The following PTCD2 variants were observed in gnomAD, a reference collection of about 807,000 sequenced individuals.
The protein encoded by PTCD2 is pentatricopeptide repeat-containing protein 2, mitochondrial.
Under a neutral mutation model 42.6 loss-of-function variants are expected in PTCD2, and 31 were observed. That is an observed-to-expected ratio of 0.73 (90% CI 0.55 to 0.98). The LOEUF (loss-of-function observed/expected upper bound fraction) is 0.98, where lower values mean the gene tolerates loss of function less well. PTCD2 is among the 50% of genes least tolerant of loss of function. The pLI is 0.00. For missense variants in PTCD2, 476 were observed against 454.8 expected, an observed-to-expected ratio of 1.05 and a Z score of -0.42; for synonymous variants, 183 against 170.9, an observed-to-expected ratio of 1.07 and a Z score of -0.55.
At position 72,358,430 on chromosome 5, in the gene PTCD2, C is replaced by T. The variant is rs1212354510; in HGVS notation, c.*3C>T. The T allele has an allele frequency of 1.3e-5, 21 of 1,608,708 alleles. No homozygotes were observed. Among genetic ancestry groups the T allele is most frequent in the Non-Finnish European group, 1.7e-6 (2 of 1,176,414 alleles). ...GCCAGTCCCTGTTGGCTGAGTAACC[C>T]TGGTTTCAGTCCACCTATGGATCTG... On this transcript the variant is annotated 3_prime_UTR_variant, in exon 10 of 10. Transcript: ENST00000380639.
chr5:72,335,406 G>A (rs984060862), intron 5 of PTCD2, among the ~76,000 whole-genome samples: 2 of 143,832 alleles, frequency 1.4e-5, no homozygotes, highest in African/African-American at 5.3e-5. Context: ...CCGAGATTGC[G>A]CCACTGCAGT....
At chr5:72,330,729 A>G (rs1206557232) in intron 3 of PTCD2, among the ~76,000 whole-genome samples, 1 of 152,238 alleles carries the variant, frequency 6.6e-6, no homozygotes, top group East Asian at 1.9e-4. Flanking sequence ...TAATTTGTTT[A>G]GCCAGGTGAT....
chr5:72,333,863 T>C (rs1413433000), intron 4 of PTCD2, among the ~76,000 whole-genome samples: 1 of 151,732 alleles, frequency 6.6e-6, no homozygotes, highest in Non-Finnish European at 1.5e-5. Context: ...TTTTTTGGGG[T>C]TTTTTTTGGA....
chr5:72,326,721 G>A lies in PTCD2; in HGVS notation c.330G>A (p.Leu110=). 1 of 1,613,926 alleles carries A rather than the reference G, an allele frequency of 6.2e-7. No individual in the cohort carries two copies. The highest frequency in any genetic ancestry group is 1.1e-5 in the South Asian group (1 of 91,056). The change falls in exon 3 of 10, where the codon CTG becomes CTA. Residue 110 remains leucine (L), a synonymous_variant. Coordinates refer to ENST00000380639, the MANE Select transcript of PTCD2 (RefSeq NM_024754.5). The part of the protein sequence containing the change: ...HLCESRDHVE[L]AKNVIYRYHA... Reference sequence around the variant, plus strand: ...GTGAGTCTCGGGACCATGTGGAACTGGCTAAAAATGTCATTTACAGGTGAG... The same window carrying A: ...GTGAGTCTCGGGACCATGTGGAACTAGCTAAAAATGTCATTTACAGGTGAG...
rs116563231 is a variant in PTCD2 at position 72,347,802 on chromosome 5, A to G, written c.828+4766A>G. Among the ~76,000 whole-genome samples the G allele has an allele frequency of 3.2e-3, 492 of 152,232 alleles. 1 individual carries two copies. Among genetic ancestry groups the G allele is most frequent in the Non-Finnish European group, 5.8e-3 (393 of 68,016 alleles). The stretch of plus-strand genomic sequence containing the variant: ...CTGAGCATGAGGCTGTCCATTCCCA[A>G]TAAGAGGAGCAATGCAGGGCATGAT... On this transcript the variant is annotated intron_variant, in intron 8 of 9. Transcript: ENST00000380639.
At chr5:72,353,724 T>C (rs943166577) in intron 9 of PTCD2, among the ~76,000 whole-genome samples, 5 of 152,176 alleles carry the variant, frequency 3.3e-5, no homozygotes, top group Non-Finnish European at 7.4e-5. Flanking sequence ...TAGTGTAACA[T>C]AGAGACAAGC....
At chr5:72,322,719 A>C (rs1750925559) in intron 2 of PTCD2, among the ~76,000 whole-genome samples, 1 of 152,250 alleles carries the variant, frequency 6.6e-6, no homozygotes, top group South Asian at 2.1e-4. Flanking sequence ...CTCAGTACAC[A>C]CAAACATATC....
chr5:72,323,533 CT>C (rs892613033), intron 2 of PTCD2, among the ~76,000 whole-genome samples: 18 of 148,690 alleles, frequency 1.2e-4, no homozygotes, highest in Non-Finnish European at 1.5e-4. Flanking sequence ...TAAGACTTTC[CT>C]TTTTTTTTTA....
chr5:72,331,517 T>C, intron 4 of PTCD2, 142 bp downstream of exon 4: 1 of 687,232 alleles, frequency 1.5e-6, no homozygotes, highest in Non-Finnish European at 2.6e-6. Context: ...CTCTGCATTT[T>C]TAAGTTTCCT....
intron 4 of PTCD2, among the ~76,000 whole-genome samples, chr5:72,332,507 A>G (rs551321872): frequency 3.3e-5 from 5 of 149,456 alleles, no homozygotes; most frequent in African/African-American, 7.2e-5. Flanking sequence ...TTTTTACTTT[A>G]TACATTTTTG....
chr5:72,358,796 C>T lies in PTCD2; in HGVS notation c.*369C>T, dbSNP rs983482735. On this transcript the variant is annotated 3_prime_UTR_variant, in exon 10 of 10. Transcript: ENST00000380639. Reference sequence around the variant, plus strand: ...TGATTTTCAAAGGAGTAGTTACTTGCAAATTACATCCTTGCTGAATTCAGG... The same window carrying T: ...TGATTTTCAAAGGAGTAGTTACTTGTAAATTACATCCTTGCTGAATTCAGG... 5.8e-5 allele frequency: 14 copies of T among 240,858 alleles called. No individual in the cohort carries two copies. The highest frequency in any genetic ancestry group is 1.4e-4 in the South Asian group (2 of 14,422). 14.9% of individuals were successfully genotyped at this position (240,858 alleles called of 1,614,324 possible). A position where few individuals can be genotyped will look rare whatever the true frequency, so the allele number is the denominator to read the frequency against.
At chr5:72,325,184 A>G (rs1445925879) in intron 2 of PTCD2, among the ~76,000 whole-genome samples, 1 of 152,172 alleles carries the variant, frequency 6.6e-6, no homozygotes, top group Non-Finnish European at 1.5e-5. Context: ...TGGCCTCCCA[A>G]AGTGCTGGGA....
chr5:72,367,310 C>G lies in PTCD2; in HGVS notation c.*8883C>G, dbSNP rs548505991. ...GGATTCTGATGAGAGATATCCCTGA[C>G]AGAGACCAGAGCTCAGGAGGAAGAA... is the stretch of plus-strand genomic sequence containing the variant. On this transcript the variant is annotated 3_prime_UTR_variant, in exon 10 of 10. Coordinates refer to ENST00000380639, the MANE Select transcript of PTCD2 (RefSeq NM_024754.5). 9 of 152,308 alleles carry G rather than the reference C, an allele frequency of 5.9e-5. No individual in the cohort carries two copies. The East Asian group carries it at 1.2e-3, about 20-fold the overall frequency. 9.4% of individuals were successfully genotyped at this position (152,308 alleles called of 1,614,324 possible). A position where few individuals can be genotyped will look rare whatever the true frequency, so the allele number is the denominator to read the frequency against.
chr5:72,331,861 G>T (rs967720091), intron 4 of PTCD2, among the ~76,000 whole-genome samples: 5 of 152,116 alleles, frequency 3.3e-5, no homozygotes, highest in Non-Finnish European at 5.9e-5. Context: ...GCTACTCATT[G>T]AATATTTACT....
chr5:72,363,473 G>A lies in PTCD2; in HGVS notation c.*5046G>A, dbSNP rs1387783382. On this transcript the variant is annotated 3_prime_UTR_variant, in exon 10 of 10. Transcript: ENST00000380639. ...GTGTCTTGTGTGTCTATGTGGACAG[G>A]AGTTGTGGGCTTCAGATTCATCCTC... 1.3e-5 allele frequency: 2 copies of A among 152,286 alleles called. No homozygotes were observed. The highest frequency in any genetic ancestry group is 2.4e-5 in the African/African-American group (1 of 41,462). The allele number at this position is 152,286 out of a possible 1,614,324, so 9.4% of individuals were successfully genotyped here.
In PTCD2 at chr5:72,358,555, A is replaced by T; in HGVS notation, c.*128A>T. The T allele has an allele frequency of 1.5e-6, 1 of 675,374 alleles. No homozygotes were observed. Among genetic ancestry groups the T allele is most frequent in the South Asian group, 1.8e-5 (1 of 56,738 alleles). 41.8% of individuals were successfully genotyped at this position (675,374 alleles called of 1,614,324 possible). ...ACTTGGTCTTCTCCTGAAATTCCCAAATTCACTGAATGGTACCATGCCGAT... is the reference window on the plus strand; with the variant it reads ...ACTTGGTCTTCTCCTGAAATTCCCATATTCACTGAATGGTACCATGCCGAT... On this transcript the variant is annotated 3_prime_UTR_variant, in exon 10 of 10. Transcript: ENST00000380639.
chr5:72,339,723 TG>T (rs1362495023), intron 7 of PTCD2, among the ~76,000 whole-genome samples: 3 of 151,760 alleles, frequency 2.0e-5, no homozygotes, highest in African/African-American at 4.9e-5. Context: ...TCTTTATTTA[TG>T]TCTAAGTTAC....
At chr5:72,346,856 G>C (rs886287679) in intron 8 of PTCD2, among the ~76,000 whole-genome samples, 5 of 152,168 alleles carry the variant, frequency 3.3e-5, no homozygotes, top group African/African-American at 1.2e-4. Context: ...CCAAGTCTCT[G>C]ATAACATCAG....
rs773223933 is a variant in PTCD2 at position 72,331,367 on chromosome 5, A to T, written c.460A>T (p.Lys154Ter). ...DLEESAVELM[K>*]DQHLRGFFSD... ...CGAGGAATCTGCAGTGGAGCTCATG[A>T]AAGACCAGGTTATTGTTTCCTAATT... The change falls in exon 4 of 10, where the codon AAA (lysine) becomes TAA (stop). Residue 154 changes from lysine (K) to a stop codon, truncating the protein, a stop_gained. Coordinates refer to ENST00000380639, the MANE Select transcript of PTCD2 (RefSeq NM_024754.5). LOFTEE classifies it high-confidence loss of function. 2 of 1,604,582 alleles carry T rather than the reference A, an allele frequency of 1.2e-6. No individual in the cohort carries two copies. Among genetic ancestry groups the T allele is most frequent in the South Asian group, 1.1e-5 (1 of 90,890 alleles).
Sources: allele counts gnomAD v4.1 joint callset (sites outside exome capture counted in the v4.1 genomes callset), GRCh38; gene constraint gnomAD v4.1.1; transcripts MANE v1.5; gene names NCBI Gene and HGNC (gene_info 2026-07-23, HGNC 2026-07-21).